Variants in OS9 observed in about 807,000 individuals in gnomAD.
The protein encoded by OS9 is protein OS-9.
OS9 carries 58 observed loss-of-function variants against 84.7 expected under a neutral mutation model. The ratio of observed to expected loss-of-function variants is 0.68; its 90% CI spans 0.55 to 0.85. The LOEUF (loss-of-function observed/expected upper bound fraction) is 0.85. Ranked by LOEUF, OS9 falls within the 40% of genes least tolerant of loss-of-function variation. OS9 has a pLI of 0.00. For missense variants in OS9, 760 were observed against 850.9 expected, an observed-to-expected ratio of 0.89 and a Z score of 1.33; for synonymous variants, 278 against 320.8, an observed-to-expected ratio of 0.87 and a Z score of 1.43.
At chr12:57,699,478 G>A (rs1216705980) in intron 5 of OS9, among the ~76,000 whole-genome samples, 1 of 152,088 alleles carries the variant, frequency 6.6e-6, no homozygotes, top group Non-Finnish European at 1.5e-5. Context: ...AGGAGGCTAT[G>A]GTGACATGGA....
At position 57,716,167 on chromosome 12, in the gene OS9, C is replaced by A; in HGVS notation, c.866C>A (p.Ser289Tyr). The A allele has an allele frequency of 6.2e-7, 1 of 1,611,494 alleles. No individual in the cohort carries two copies. The highest frequency in any genetic ancestry group is 1.1e-5 in the South Asian group (1 of 90,986). The change falls in exon 7 of 15, where the codon TCT (serine) becomes TAT (tyrosine). Residue 289 changes from serine (S) to tyrosine (Y), a missense_variant. Physicochemically the swap from Ser to Tyr is moderately radical, Grantham distance 144. Coordinates refer to ENST00000315970, the MANE Select transcript of OS9 (RefSeq NM_006812.4). ...LGPQVWSETK[S>Y]GVAPQKMAGA... ...CCCCAAGTGTGGAGTGAGACCAAGT[C>A]TGGGGTGGCACCCCAAAAGATGGCA...
At chr12:57,716,339 A>T in intron 7 of OS9, 73 bp from the exon 8 acceptor site, 1 of 1,277,086 alleles carries the variant, frequency 7.8e-7, no homozygotes. Flanking sequence ...AGGGGAAGGG[A>T]CCCCATCCTA....
rs964852696 is a variant in OS9, at chr12:57,710,095, C to T, written c.580-5665C>T. Among the ~76,000 whole-genome samples the T allele has an allele frequency of 4.6e-5, 7 of 152,248 alleles. No homozygotes were observed. In the East Asian group the frequency reaches 7.7e-4, roughly 17 times the overall value. ...CTCAAACTCCTGACCTCAAGTGATC[C>T]GCTCACCTTGGCCTCCTGAAGTGCT... On this transcript the variant is annotated intron_variant, in intron 5 of 14. Transcript: ENST00000315970.
At chr12:57,709,842 C>CT (rs34489459) in intron 5 of OS9, among the ~76,000 whole-genome samples, 81 of 146,348 alleles carry the variant, frequency 5.5e-4, no homozygotes, top group Middle Eastern at 3.5e-3. Context: ...CTGACGATCC[C>CT]TTTTTTTTTT....
rs780799149 is a variant in OS9 at position 57,715,963 on chromosome 12, G to A, written c.783G>A (p.Arg261=). The change falls in exon 6 of 15, where the codon AGG becomes AGA. Residue 261 remains arginine, a synonymous_variant. Coordinates refer to ENST00000315970, the MANE Select transcript of OS9 (RefSeq NM_006812.4). ...QPEEYMAYVQ[R]QADSKQYGDK... ...AGGAGTACATGGCCTACGTTCAGAG[G>A]CAAGCCGGTGAGTAATTAGAGAAGG... 1 of 1,611,278 alleles carries A rather than the reference G, an allele frequency of 6.2e-7. No individual in the cohort carries two copies. Among genetic ancestry groups the A allele is most frequent in the South Asian group, 1.1e-5 (1 of 90,658 alleles).
At position 57,696,258 on chromosome 12, in the gene OS9, C is replaced by G; in HGVS notation, c.481-17C>G. ...ATCTTTCTCATGTCCCCCATTCCTG[C>G]CTCATGTCTTCTCCAGGCCTCCAAG... On this transcript the variant is annotated splice_polypyrimidine_tract_variant and intron_variant, in intron 4 of 14. Transcript: ENST00000315970. The G allele has an allele frequency of 2.5e-6, 4 of 1,579,560 alleles. No homozygotes were observed. Among genetic ancestry groups the G allele is most frequent in the South Asian group, 1.1e-5 (1 of 89,202 alleles).
intron 9 of OS9, 43 bp downstream of exon 9, chr12:57,716,787 G>C (rs1175164724): frequency 6.4e-7 from 1 of 1,571,380 alleles, no homozygotes; most frequent in Non-Finnish European, 8.8e-7. Flanking sequence ...TATATTTTAG[G>C]ATTGGCAGGG....
At chr12:57,717,745 A>T (rs1416390632) in intron 9 of OS9, 125 bp from the exon 10 acceptor site, 7 of 656,100 alleles carry the variant, frequency 1.1e-5, no homozygotes, top group Non-Finnish European at 1.7e-5. Flanking sequence ...GTGAGCAGAG[A>T]TTGCACCACT....
intron 5 of OS9, among the ~76,000 whole-genome samples, chr12:57,698,944 C>G (rs1475292286): frequency 6.6e-6 from 1 of 152,158 alleles, no homozygotes; most frequent in Non-Finnish European, 1.5e-5. Context: ...AAGGCCCACT[C>G]TAGCTGGAGT....
chr12:57,697,092 T>C (rs781132074), intron 5 of OS9, among the ~76,000 whole-genome samples: 6 of 152,240 alleles, frequency 3.9e-5, no homozygotes, highest in Non-Finnish European at 5.9e-5. Flanking sequence ...GAGTTATCTT[T>C]CCATAATGCA....
chr12:57,704,378 A>G (rs1407943478), intron 5 of OS9, among the ~76,000 whole-genome samples: 4 of 152,112 alleles, frequency 2.6e-5, no homozygotes, highest in Non-Finnish European at 5.9e-5. Context: ...CTCTACTGAA[A>G]ATACAAAAAT....
At chr12:57,709,108 C>A (rs1954255742) in intron 5 of OS9, among the ~76,000 whole-genome samples, 1 of 152,182 alleles carries the variant, frequency 6.6e-6, no homozygotes, top group Admixed American at 6.5e-5. Flanking sequence ...CTTCTTTACT[C>A]TTTTCTTTCA....
intron 5 of OS9, among the ~76,000 whole-genome samples, chr12:57,699,959 G>A (rs1395340461): frequency 6.6e-6 from 1 of 152,170 alleles, no homozygotes; most frequent in Middle Eastern, 3.2e-3. Flanking sequence ...GCCGGGTGTG[G>A]TGGTGGGCGC....
Position 57,718,974 on chromosome 12 carries a change from C to G in OS9, c.1411-19C>G. On this transcript the variant is annotated intron_variant, in intron 11 of 14. Transcript: ENST00000315970. ...ACACCCCAGACCCTTGACTCACTCT[C>G]TTCTCTTGGGTATTCCAGACAGAGA... 1 of 1,601,600 alleles carries G rather than the reference C, an allele frequency of 6.2e-7. No individual in the cohort carries two copies. Among genetic ancestry groups the G allele is most frequent in the Non-Finnish European group, 8.5e-7 (1 of 1,170,810 alleles).
intron 7 of OS9, 75 bp from the exon 8 acceptor site, chr12:57,716,337 G>A (rs1760460944): frequency 7.8e-7 from 1 of 1,279,392 alleles, no homozygotes; most frequent in Non-Finnish European, 1.1e-6. Context: ...GGAGGGGAAG[G>A]GACCCCATCC....
At position 57,694,290 on chromosome 12, in the gene OS9, C is replaced by G. The variant is rs767641520; in HGVS notation, c.129C>G (p.Ile43Met). 14 of 1,614,064 alleles carry G rather than the reference C, an allele frequency of 8.7e-6. No homozygotes were observed. Among genetic ancestry groups the G allele is most frequent in the East Asian group, 6.7e-5 (3 of 44,882 alleles). Residue 43 changes from isoleucine (I) to methionine (M), a missense_variant, in exon 1 of 15, where the codon ATC becomes ATG. Coordinates refer to ENST00000315970, the MANE Select transcript of OS9 (RefSeq NM_006812.4). ...AGCTGAGTGAGATGCGTTATGGGATCGAGATCCTGCCGTTGCCTGTCATGG... is the reference window on the plus strand; with the variant it reads ...AGCTGAGTGAGATGCGTTATGGGATGGAGATCCTGCCGTTGCCTGTCATGG... ...LEELSEMRYG[I>M]EILPLPVMGG...
At position 57,715,848 on chromosome 12, in the gene OS9, G is replaced by T. The variant is rs991502413; in HGVS notation, c.668G>T (p.Arg223Leu). The change falls in exon 6 of 15, where the codon CGC becomes CTC. Residue 223 changes from arginine (R) to leucine (L), a missense_variant. By Grantham distance (102) the Arg-to-Leu change is moderately radical (BLOSUM62 -2). Coordinates refer to ENST00000315970, the MANE Select transcript of OS9 (RefSeq NM_006812.4). ...PLSCSYVLTI[R>L]TPRLCPHPLL... ...TCCTGCTCTTATGTGCTGACCATTC[G>T]CACTCCTCGGCTCTGCCCCCACCCT... 2 of 1,613,792 alleles carry T rather than the reference G, an allele frequency of 1.2e-6. No homozygotes were observed. Among genetic ancestry groups the T allele is most frequent in the Non-Finnish European group, 1.7e-6 (2 of 1,179,864 alleles).
At chr12:57,700,034 G>A (rs151008640) in intron 5 of OS9, among the ~76,000 whole-genome samples, 1,691 of 152,146 alleles carry the variant, frequency 0.011, 32 homozygotes, top group African/African-American at 0.038. Context: ...GGCGGAGGTC[G>A]CAGTGAGCTG....
intron 5 of OS9, among the ~76,000 whole-genome samples, chr12:57,713,351 T>C (rs756982803): frequency 2.0e-5 from 3 of 152,172 alleles, no homozygotes; most frequent in Admixed American, 6.5e-5. Flanking sequence ...TCAGGAATAA[T>C]GGCTTGCTTC....
Sources: gnomAD v4.1 joint callset for allele counts (sites outside exome capture counted in the v4.1 genomes callset) on GRCh38, gnomAD v4.1.1 for gene constraint, MANE v1.5 for transcripts, NCBI Gene and HGNC (gene_info 2026-07-23, HGNC 2026-07-21) for gene names.